SUMF1: variants seen among roughly 807,000 people sequenced by gnomAD.
SUMF1 encodes the protein sulfatase modifying factor 1, also known as formylglycine-generating enzyme.
In SUMF1, 48 loss-of-function variants were observed where a neutral mutation model predicts 47.6. That is an observed-to-expected ratio of 1.01 (90% CI 0.80 to 1.28). The LOEUF (loss-of-function observed/expected upper bound fraction) is 1.28, where lower values mean the gene tolerates loss of function less well. SUMF1 is among the 50% of genes most tolerant of loss of function. SUMF1 has a pLI of 0.00. For missense variants in SUMF1, 571 were observed against 485.4 expected (o/e 1.18, Z -1.66); for synonymous variants, 230 against 192.1 (o/e 1.20, Z -1.63).
intron 8 of SUMF1, among the ~76,000 whole-genome samples, chr3:4,244,286 T>G (rs922299697): frequency 3.3e-5 from 5 of 152,364 alleles, no homozygotes; most frequent in African/African-American, 1.2e-4. Flanking sequence ...ATGTGTGAAT[T>G]TGATCCTGTC....
intron 8 of SUMF1, among the ~76,000 whole-genome samples, chr3:4,136,776 A>T (rs1345783102): frequency 6.6e-6 from 1 of 150,980 alleles, no homozygotes; most frequent in East Asian, 1.9e-4. Context: ...AATTTACAAG[A>T]AAAAAACAAA....
chr3:4,319,738 T>G (rs893114653), intron 8 of SUMF1, among the ~76,000 whole-genome samples: 6 of 152,194 alleles, frequency 3.9e-5, no homozygotes, highest in African/African-American at 1.4e-4. Context: ...TATAATTGGT[T>G]AAAACTTGAA....
rs187929463 is a variant in SUMF1, at chr3:4,218,803, T to G, written c.1015-150058A>C. On this transcript the variant is annotated intron_variant and NMD_transcript_variant, in intron 8 of 12. Transcript: ENST00000448413. ...GAGACAACATTTTGTACATATTTCA[T>G]GATTTCTTTTTAGGGAAATGCACAA... Among the ~76,000 whole-genome samples, 3 of 152,310 alleles carry G rather than the reference T, an allele frequency of 2.0e-5. No individual in the cohort carries two copies. In the East Asian group the frequency reaches 5.8e-4, roughly 29 times the overall value.
At chr3:4,228,718 G>A (rs189015678) in intron 8 of SUMF1, among the ~76,000 whole-genome samples, 35 of 152,048 alleles carry the variant, frequency 2.3e-4, no homozygotes, top group African/African-American at 8.5e-4. Context: ...AAACCACACT[G>A]TAAATTCTTA....
intron 8 of SUMF1, among the ~76,000 whole-genome samples, chr3:4,224,338 T>C (rs1559585350): frequency 2.0e-5 from 3 of 152,102 alleles, no homozygotes; most frequent in South Asian, 4.1e-4. Context: ...TGACAAGGTG[T>C]GTAATGAGTA....
At chr3:4,142,558 T>C (rs1694096270) in intron 8 of SUMF1, among the ~76,000 whole-genome samples, 2 of 152,172 alleles carry the variant, frequency 1.3e-5, no homozygotes, top group Admixed American at 6.5e-5. Flanking sequence ...CAACTCTTTG[T>C]ATACTCGATA....
chr3:4,090,741 A>C (rs1226072070), intron 8 of SUMF1, among the ~76,000 whole-genome samples: 1 of 152,084 alleles, frequency 6.6e-6, no homozygotes, highest in Non-Finnish European at 1.5e-5. Context: ...CCATTACTAC[A>C]ACCACTGTCA....
chr3:4,243,592 C>A (rs1186089405), intron 8 of SUMF1, among the ~76,000 whole-genome samples: 2 of 152,124 alleles, frequency 1.3e-5, no homozygotes, highest in Non-Finnish European at 2.9e-5. Flanking sequence ...TTTCTTAATT[C>A]TGAGTTCTAG....
chr3:4,116,316 G>A (rs1006256497), intron 8 of SUMF1, among the ~76,000 whole-genome samples: 19 of 152,116 alleles, frequency 1.2e-4, no homozygotes, highest in African/African-American at 4.3e-4. Flanking sequence ...ACGCAAGTAA[G>A]AACAATGATT....
intron 8 of SUMF1, among the ~76,000 whole-genome samples, chr3:4,121,774 A>T (rs188056345): frequency 1.3e-5 from 2 of 152,166 alleles, no homozygotes; most frequent in East Asian, 1.9e-4. Context: ...ATATAGGTAA[A>T]CTACTGTCAT....
chr3:4,110,246 G>T (rs1320281104), intron 8 of SUMF1, among the ~76,000 whole-genome samples: 1 of 152,086 alleles, frequency 6.6e-6, no homozygotes, highest in Non-Finnish European at 1.5e-5. Flanking sequence ...GCGGATATTG[G>T]TGAACAGCAG....
In SUMF1 at chr3:4,043,435, G is replaced by C. The variant is rs980373885; in HGVS notation, c.1191+25134C>G. Among the ~76,000 whole-genome samples the C allele has an allele frequency of 5.2e-4, 79 of 151,878 alleles. 1 individual carries two copies. The highest frequency in any genetic ancestry group is 5.2e-4 in the Admixed American group (8 of 15,254). ...GAAACTCCTCCTTTTCAAACTATTT[G>C]TTCACAGGCTGCCAAAAACTTTTAC... On this transcript the variant is annotated intron_variant and NMD_transcript_variant, in intron 9 of 12. Coordinates refer to the SUMF1 transcript ENST00000448413.
intron 3 of SUMF1, among the ~76,000 whole-genome samples, chr3:4,431,355 C>T (rs1309254657): frequency 3.3e-5 from 5 of 152,316 alleles, no homozygotes; most frequent in Non-Finnish European, 7.4e-5. Context: ...ACTGCCATGC[C>T]CACCTTTGAG....
At chr3:4,290,320 T>C (rs1697715093) in intron 8 of SUMF1, among the ~76,000 whole-genome samples, 1 of 149,346 alleles carries the variant, frequency 6.7e-6, no homozygotes, top group Non-Finnish European at 1.5e-5. Flanking sequence ...GGAAAACGTT[T>C]ATCTGAATTT....
intron 8 of SUMF1, among the ~76,000 whole-genome samples, chr3:4,355,181 C>G (rs1417852483): frequency 6.6e-6 from 1 of 152,114 alleles, no homozygotes; most frequent in Non-Finnish European, 1.5e-5. Context: ...AAAACTCCAT[C>G]TCTACAAAAT....
At chr3:4,038,616 AG>A (rs1375923632) in intron 9 of SUMF1, among the ~76,000 whole-genome samples, 6 of 152,158 alleles carry the variant, frequency 3.9e-5, no homozygotes, top group African/African-American at 1.2e-4. Flanking sequence ...CAAAGGGCGA[AG>A]GGCTCACTGG....
chr3:4,127,671 A>G (rs982359545), intron 8 of SUMF1, among the ~76,000 whole-genome samples: 12 of 150,978 alleles, frequency 7.9e-5, no homozygotes, highest in Non-Finnish European at 1.6e-4. Context: ...TACTTAATAA[A>G]CCCCCCTTTG....
chr3:4,289,234 T>C (rs1239075629), intron 8 of SUMF1, among the ~76,000 whole-genome samples: 2 of 152,220 alleles, frequency 1.3e-5, no homozygotes, highest in African/African-American at 4.8e-5. Context: ...GCCAAGATAG[T>C]CCCACTTGGG....
chr3:4,353,543 C>T (rs1163088076), intron 8 of SUMF1, among the ~76,000 whole-genome samples: 4 of 152,296 alleles, frequency 2.6e-5, no homozygotes, highest in African/African-American at 7.2e-5. Context: ...TGAGTCACTG[C>T]GCCCGGCCTA....
Sources: allele counts gnomAD v4.1 joint callset (sites outside exome capture counted in the v4.1 genomes callset), GRCh38; gene constraint gnomAD v4.1.1; transcripts MANE v1.5; gene names NCBI Gene and HGNC (gene_info 2026-07-23, HGNC 2026-07-21).